The following SHANK2 variants were observed in gnomAD, a reference collection of about 807,000 sequenced individuals.
SHANK2 encodes the protein SH3 and multiple ankyrin repeat domains 2.
Under a neutral mutation model 133.7 loss-of-function variants are expected in SHANK2, and 43 were observed. That is an observed-to-expected ratio of 0.32 (90% confidence interval 0.25 to 0.41). SHANK2 has a LOEUF of 0.41. Ranked by LOEUF, SHANK2 falls within the 10% of genes least tolerant of loss-of-function variation. The pLI is 1.00. For synonymous variants in SHANK2, 1,017 were observed against 952.8 expected (o/e 1.07, Z -1.24); for missense variants, 1,994 against 2,235.8 (o/e 0.89, Z 2.18).
intron 15 of SHANK2, among the ~76,000 whole-genome samples, chr11:70,696,654 G>A (rs1783345465): frequency 6.6e-6 from 1 of 152,240 alleles, no homozygotes; most frequent in African/African-American, 2.4e-5. Flanking sequence ...TGGAAAGTCT[G>A]TGACATTCCC....
rs150188028 is a variant in SHANK2, at chr11:70,824,424, C to T, written c.1175-3742G>A. Reference sequence around the variant, plus strand: ...CATTGAAGATGCCCTGCTAAGCAGCCGGGGCTCCTCAGCCAGCACTTTCAT... The same window carrying T: ...CATTGAAGATGCCCTGCTAAGCAGCTGGGGCTCCTCAGCCAGCACTTTCAT... On this transcript the variant is annotated intron_variant, in intron 11 of 25. Coordinates refer to ENST00000601538, the MANE Select transcript of SHANK2 (RefSeq NM_012309.5). 2.5e-3 allele frequency among the ~76,000 whole-genome samples: 388 copies of T among 152,204 alleles called. 1 individual carries two copies. Among genetic ancestry groups the T allele is most frequent in the Admixed American group, 4.4e-3 (67 of 15,298 alleles).
chr11:70,780,684 T>C (rs1425904834), intron 14 of SHANK2, among the ~76,000 whole-genome samples: 2 of 151,436 alleles, frequency 1.3e-5, no homozygotes, highest in African/African-American at 4.9e-5. Context: ...GCGATTCTCC[T>C]GCCTCAGCCT....
intron 14 of SHANK2, among the ~76,000 whole-genome samples, chr11:70,771,141 G>A (rs909556497): frequency 1.2e-4 from 18 of 152,000 alleles, no homozygotes; most frequent in African/African-American, 4.4e-4. Flanking sequence ...TGCCCAGGCT[G>A]GTCTTGAACT....
intron 11 of SHANK2, among the ~76,000 whole-genome samples, chr11:70,822,695 C>T (rs1486735431): frequency 7.2e-5 from 8 of 110,964 alleles, no homozygotes; most frequent in South Asian, 3.2e-4. Flanking sequence ...ACAGAGGTGG[C>T]GCTGGCAGAG....
At chr11:70,543,072 G>A (rs1033379118) in intron 17 of SHANK2, among the ~76,000 whole-genome samples, 23 of 152,290 alleles carry the variant, frequency 1.5e-4, no homozygotes, top group Non-Finnish European at 2.6e-4. Context: ...GTGGGGTGGC[G>A]GCTGAGCTCC....
rs561100340 is a variant in SHANK2, at chr11:71,095,405, A to G, written c.593-717T>C. ...TCCGTCCACTCTTCATCTTTCTAAT[A>G]TGCCCACCATGGCCACTGCTAAACA... On this transcript the variant is annotated intron_variant, in intron 6 of 25. Transcript: ENST00000601538. Among the ~76,000 whole-genome samples the G allele has an allele frequency of 2.0e-5, 3 of 152,294 alleles. No individual in the cohort carries two copies. In the South Asian group the frequency reaches 6.2e-4, roughly 32 times the overall value.
At chr11:70,751,234 T>C (rs2134893243) in intron 14 of SHANK2, among the ~76,000 whole-genome samples, 1 of 152,128 alleles carries the variant, frequency 6.6e-6, no homozygotes, top group South Asian at 2.1e-4. Context: ...CACGTCCAAA[T>C]CAAATTGCTG....
intron 14 of SHANK2, among the ~76,000 whole-genome samples, chr11:70,782,696 G>A (rs1164374511): frequency 6.6e-6 from 1 of 152,214 alleles, no homozygotes; most frequent in African/African-American, 2.4e-5. Context: ...CAAGCCTGAA[G>A]AAAAACAGGC....
At chr11:71,104,833 G>A (rs987028147) in intron 6 of SHANK2, among the ~76,000 whole-genome samples, 1 of 152,236 alleles carries the variant, frequency 6.6e-6, no homozygotes. Context: ...TGGGAAGCAG[G>A]GTGGTGTGAG....
At chr11:70,517,435 A>G (rs2059279320) in intron 17 of SHANK2, among the ~76,000 whole-genome samples, 1 of 152,246 alleles carries the variant, frequency 6.6e-6, no homozygotes, top group East Asian at 1.9e-4. Context: ...AGCTTTATTA[A>G]TAATTGCCAA....
At chr11:70,660,094 C>A in intron 16 of SHANK2, 142 bp from the exon 17 acceptor site, 3 of 1,024,456 alleles carry the variant, frequency 2.9e-6, no homozygotes, top group Non-Finnish European at 3.0e-6. Context: ...AACTCTCCCC[C>A]AGGAAGGGCT....
intron 2 of SHANK2, among the ~76,000 whole-genome samples, chr11:71,159,212 G>C (rs1952962734): frequency 1.3e-5 from 2 of 152,186 alleles, no homozygotes; most frequent in Admixed American, 1.3e-4. Flanking sequence ...AGATTCTGGG[G>C]AACAATCCAC....
chr11:71,104,092 C>A (rs1555097296), intron 6 of SHANK2, among the ~76,000 whole-genome samples: 1 of 152,074 alleles, frequency 6.6e-6, no homozygotes, highest in African/African-American at 2.4e-5. Context: ...TTATAAACTA[C>A]CCAGCCTCAG....
intron 2 of SHANK2, among the ~76,000 whole-genome samples, chr11:71,183,453 C>T (rs1185344907): frequency 5.3e-5 from 8 of 152,122 alleles, no homozygotes; most frequent in Non-Finnish European, 4.4e-5. Flanking sequence ...TGCTTTAGAA[C>T]GGTGTCAGTG....
At chr11:70,791,651 C>T (rs561025992) in intron 14 of SHANK2, among the ~76,000 whole-genome samples, 8 of 152,284 alleles carry the variant, frequency 5.3e-5, no homozygotes, top group African/African-American at 1.9e-4. Flanking sequence ...TTTCTGTTTC[C>T]CCATTGCCTC....
intron 3 of SHANK2, among the ~76,000 whole-genome samples, chr11:71,131,246 G>A (rs75479545): frequency 0.029 from 4,447 of 152,264 alleles, 202 homozygotes; most frequent in African/African-American, 0.098. Context: ...GCTGGTGCTC[G>A]TGGTGGCAAA....
intron 3 of SHANK2, among the ~76,000 whole-genome samples, chr11:71,130,689 G>A (rs1383201425): frequency 3.3e-5 from 5 of 152,170 alleles, no homozygotes; most frequent in Non-Finnish European, 7.4e-5. Flanking sequence ...TTCCTCAGGT[G>A]AGACTTACAT....
At chr11:70,682,866 G>C (rs991847517) in intron 15 of SHANK2, among the ~76,000 whole-genome samples, 1 of 152,152 alleles carries the variant, frequency 6.6e-6, no homozygotes, top group Non-Finnish European at 1.5e-5. Context: ...GTGAGGATGG[G>C]GAATGACACT....
intron 2 of SHANK2, among the ~76,000 whole-genome samples, chr11:71,153,413 G>GCAAGT: frequency 6.6e-6 from 1 of 152,204 alleles, no homozygotes; most frequent in Non-Finnish European, 1.5e-5. Context: ...AATCATCACA[G>GCAAGT]TCAAAGCAAG....
Sources: allele counts gnomAD v4.1 joint callset (sites outside exome capture counted in the v4.1 genomes callset), GRCh38; gene constraint gnomAD v4.1.1; transcripts MANE v1.5; gene names NCBI Gene and HGNC (gene_info 2026-07-23, HGNC 2026-07-21).